CRB1: variants seen among roughly 807,000 people sequenced by gnomAD.
The protein encoded by CRB1 is crumbs cell polarity complex component 1.
CRB1 carries 83 observed loss-of-function variants against 120.0 expected under a neutral mutation model. The observed-to-expected ratio is 0.69, with a 90% CI of 0.58 to 0.83. The LOEUF (loss-of-function observed/expected upper bound fraction) is 0.83. CRB1 is among the 40% of genes least tolerant of loss of function. The pLI is 0.00. For missense variants in CRB1, 1,699 were observed against 1,687.6 expected, an observed-to-expected ratio of 1.01 and a Z score of -0.12; for synonymous variants, 625 against 612.5, an observed-to-expected ratio of 1.02 and a Z score of -0.30.
chr1:197,252,580 ATATGTGTGTGTG>A, the CRB1 span, among the ~76,000 whole-genome samples: 147 of 22,308 alleles, frequency 6.6e-3, no homozygotes, highest in Middle Eastern at 0.033. Flanking sequence ...ATATATATAT[ATATGTGTGTGTG>A]TGTGTGTGTG....
chr1:197,273,957 C>T (rs1176150178), intron 1 of CRB1, among the ~76,000 whole-genome samples: 1 of 151,934 alleles, frequency 6.6e-6, no homozygotes, highest in Non-Finnish European at 1.5e-5. Context: ...GCTGGGGTGT[C>T]AGGTCTTTTA....
At position 197,344,269 on chromosome 1, in the gene CRB1, CT is replaced by C. The variant is rs1659639143; in HGVS notation, c.653-6del. The C allele has an allele frequency of 6.2e-7, 1 of 1,613,874 alleles. No individual in the cohort carries two copies. Among genetic ancestry groups the C allele is most frequent in the African/African-American group, 1.3e-5 (1 of 75,016 alleles). On this transcript the variant is annotated splice_polypyrimidine_tract_variant and intron_variant, in intron 2 of 11. Coordinates refer to ENST00000367400, the MANE Select transcript of CRB1 (RefSeq NM_201253.3). ...ACTTTTTCTGTTTTTTCTGTGCTGACTTTTTTAAAAGGTGTAAACTGTGAAT... is the reference window on the plus strand; with the variant it reads ...ACTTTTTCTGTTTTTTCTGTGCTGACTTTTTAAAAGGTGTAAACTGTGAAT...
chr1:197,291,232 A>G (rs1656159579), intron 1 of CRB1, among the ~76,000 whole-genome samples: 1 of 151,864 alleles, frequency 6.6e-6, no homozygotes, highest in Non-Finnish European at 1.5e-5. Context: ...AAAGATGTTA[A>G]TAATGAAAAT....
intron 5 of CRB1, among the ~76,000 whole-genome samples, chr1:197,374,337 G>T (rs1475656651): frequency 2.6e-5 from 4 of 152,112 alleles, no homozygotes; most frequent in African/African-American, 7.2e-5. Flanking sequence ...GTGGGAAAAG[G>T]CTTGGTCCTT....
the CRB1 span, among the ~76,000 whole-genome samples, chr1:197,236,465 C>G: frequency 6.6e-6 from 1 of 152,156 alleles, no homozygotes; most frequent in Non-Finnish European, 1.5e-5. Flanking sequence ...TCCCAAAGTG[C>G]TGGGATTATG....
chr1:197,212,301 T>C, the CRB1 span, among the ~76,000 whole-genome samples: 2 of 152,170 alleles, frequency 1.3e-5, no homozygotes, highest in East Asian at 1.9e-4. Context: ...TGTATATCTA[T>C]ATAGTCTTAT....
At chr1:197,429,685 A>G (rs2125489488) in intron 8 of CRB1, 71 bp downstream of exon 8, 2 of 1,488,384 alleles carry the variant, frequency 1.3e-6, no homozygotes, top group Admixed American at 1.7e-5. Context: ...GAGCAAACAC[A>G]GAAAAAGAGT....
Position 197,356,935 on chromosome 1 carries a change from C to T in CRB1, c.1093C>T (p.Arg365Cys), listed in dbSNP as rs116347915. 83 of 1,614,156 alleles carry T rather than the reference C, an allele frequency of 5.1e-5. 1 individual carries two copies. The highest frequency in any genetic ancestry group is 3.8e-4 in the East Asian group (17 of 44,890). The part of the protein sequence containing the change: ...VELSSEKQYG[R>C]ITGLPSSFSY... ...GCTGTCCTCAGAGAAACAATATGGA[C>T]GCATCACTGGACTGCCTTCTTCTTT... The change falls in exon 5 of 12, where the codon CGC becomes TGC. Residue 365 changes from arginine to cysteine, a missense_variant. Arg to Cys is a radical substitution (Grantham distance 180). Coordinates refer to ENST00000367400, the MANE Select transcript of CRB1 (RefSeq NM_201253.3).
chr1:197,415,646 T>G (rs1485209588), intron 5 of CRB1, among the ~76,000 whole-genome samples: 5 of 90,748 alleles, frequency 5.5e-5, no homozygotes, highest in Admixed American at 3.2e-4. Flanking sequence ...CTTTTCTTTT[T>G]TTTTTTTTTT....
intron 5 of CRB1, chr1:197,363,929 A>T (rs1660919992): frequency 7.7e-7 from 1 of 1,299,316 alleles, no homozygotes; most frequent in Non-Finnish European, 1.1e-6. Context: ...CTCACTGAGG[A>T]CATTAAGCTT....
chr1:197,477,955 C>G lies in CRB1; in HGVS notation c.*76C>G, dbSNP rs1667274222. On this transcript the variant is annotated 3_prime_UTR_variant, in exon 12 of 12. Coordinates refer to ENST00000367400, the MANE Select transcript of CRB1 (RefSeq NM_201253.3). ...CTGTACTTCAGGTATCTCTGACATA[C>G]CTGACAATGTTAATCTGCAACTGGG... 4.3e-6 allele frequency: 6 copies of G among 1,391,382 alleles called. No individual in the cohort carries two copies. The highest frequency in any genetic ancestry group is 6.1e-6 in the Non-Finnish European group (6 of 978,502). The allele number at this position is 1,391,382 out of a possible 1,614,324, so 86.2% of individuals were successfully genotyped here.
chr1:197,286,358 C>T (rs1022778493), intron 1 of CRB1, among the ~76,000 whole-genome samples: 3 of 151,824 alleles, frequency 2.0e-5, no homozygotes, highest in African/African-American at 4.8e-5. Flanking sequence ...TTTAAAATAG[C>T]GCACAATTAT....
At chr1:197,329,766 T>C (rs1034682382) in intron 2 of CRB1, among the ~76,000 whole-genome samples, 3 of 152,198 alleles carry the variant, frequency 2.0e-5, no homozygotes, top group African/African-American at 7.2e-5. Context: ...TCCATTTACT[T>C]GTAAGGGGGT....
At chr1:197,458,542 CAT>C (rs1408837218) in intron 11 of CRB1, among the ~76,000 whole-genome samples, 1 of 152,066 alleles carries the variant, frequency 6.6e-6, no homozygotes, top group Admixed American at 6.6e-5. Flanking sequence ...GATAAGCTGA[CAT>C]TCTGGGCTTC....
chr1:197,276,906 C>G (rs1235553576), intron 1 of CRB1, among the ~76,000 whole-genome samples: 1 of 151,926 alleles, frequency 6.6e-6, no homozygotes, highest in African/African-American at 2.4e-5. Context: ...CAAGGGGATA[C>G]AACTGAGATT....
At chr1:197,203,720 TTA>T in the CRB1 span, among the ~76,000 whole-genome samples, 806 of 152,326 alleles carry the variant, frequency 5.3e-3, 6 homozygotes, top group South Asian at 0.02. Flanking sequence ...AAATTAATCA[TTA>T]TATGTTTTAA....
At chr1:197,331,778 AAC>A (rs1250315876) in intron 2 of CRB1, among the ~76,000 whole-genome samples, 4 of 152,228 alleles carry the variant, frequency 2.6e-5, no homozygotes, top group East Asian at 1.9e-4. Context: ...TTGTAAAAAA[AAC>A]ACAGCTTGCA....
intron 11 of CRB1, among the ~76,000 whole-genome samples, chr1:197,462,307 T>C (rs1354677231): frequency 1.3e-5 from 2 of 152,172 alleles, no homozygotes; most frequent in African/African-American, 4.8e-5. Flanking sequence ...ATCTTACATA[T>C]AGTGGAATAT....
rs184494420 is a variant in CRB1, at chr1:197,472,598, A to G, written c.4006-5066A>G. On this transcript the variant is annotated intron_variant, in intron 11 of 11. Transcript: ENST00000367400. ...TATTTCAAATGCTGTCATCGGCCCT[A>G]AATATCATGAAAGATAGGTCCTGAT... Among the ~76,000 whole-genome samples the G allele has an allele frequency of 2.6e-4, 40 of 152,296 alleles. 1 individual carries two copies. The highest frequency in any genetic ancestry group is 1.6e-3 in the Admixed American group (24 of 15,290).
Sources: gnomAD v4.1 joint callset for allele counts (sites outside exome capture counted in the v4.1 genomes callset) on GRCh38, gnomAD v4.1.1 for gene constraint, MANE v1.5 for transcripts, NCBI Gene and HGNC (gene_info 2026-07-23, HGNC 2026-07-21) for gene names.